Variants in DGKE observed in about 807,000 individuals in gnomAD.
DGKE encodes diacylglycerol kinase epsilon, also known as DAG kinase epsilon.
DGKE carries 53 observed loss-of-function variants against 70.0 expected under a neutral mutation model. The ratio of observed to expected loss-of-function variants is 0.76; its 90% confidence interval spans 0.61 to 0.95. The LOEUF (loss-of-function observed/expected upper bound fraction) is 0.95, where lower values mean the gene tolerates loss of function less well. Among genes scored for constraint, DGKE ranks in the 40% least tolerant of loss-of-function variants. The pLI, the probability that DGKE is intolerant of heterozygous loss-of-function variation, is 0.00. For synonymous variants in DGKE, 291 were observed against 257.0 expected, an observed-to-expected ratio of 1.13 and a Z score of -1.27; for missense variants, 655 against 706.9, an observed-to-expected ratio of 0.93 and a Z score of 0.83.
Position 56,864,668 on chromosome 17 carries a change from T to TA in DGKE, c.*1880dup, listed in dbSNP as rs1281932996. On this transcript the variant is annotated 3_prime_UTR_variant, in exon 12 of 12. Coordinates refer to ENST00000284061, the MANE Select transcript of DGKE (RefSeq NM_003647.3). ...TCCTTTCATTCATGATCAAAATTGT[T>TA]AAAGACATCACATTTTATAAATACA... is the stretch of plus-strand genomic sequence containing the variant. 2.0e-5 allele frequency: 3 copies of TA among 151,956 alleles called. No individual in the cohort carries two copies. Among genetic ancestry groups the TA allele is most frequent in the Admixed American group, 6.6e-5 (1 of 15,266 alleles). 9.4% of individuals were successfully genotyped at this position (151,956 alleles called of 1,614,324 possible). A position where few individuals can be genotyped will look rare whatever the true frequency, so the allele number is the denominator to read the frequency against.
In DGKE at chr17:56,862,722, C is replaced by G; in HGVS notation, c.1635C>G (p.Phe545Leu). ...THKTHAMMLY[F>L]SGEQTDDDIS... The stretch of plus-strand genomic sequence containing the variant: ...AGACACATGCAATGATGTTATATTT[C>G]TCTGGAGAACAAACAGATGATGACA... Residue 545 changes from phenylalanine (F) to leucine (L), a missense_variant, in exon 12 of 12, where the codon TTC (phenylalanine) becomes TTG (leucine). Physicochemically the swap from Phe to Leu is conservative, Grantham distance 22 (BLOSUM62 0). Transcript: ENST00000284061. 1 of 1,610,758 alleles carries G rather than the reference C, an allele frequency of 6.2e-7. No individual in the cohort carries two copies. Among genetic ancestry groups the G allele is most frequent in the South Asian group, 1.1e-5 (1 of 90,406 alleles).
Position 56,863,689 on chromosome 17 carries a change from TGTA to T in DGKE, c.*902_*904del, listed in dbSNP as rs759687377. On this transcript the variant is annotated 3_prime_UTR_variant, in exon 12 of 12. Transcript: ENST00000284061. ...ATAAGTTTTAAAAATTTGGTGGTCT[TGTA>T]GTATTTTGAAATACAGTAGTCTTTT... is the stretch of plus-strand genomic sequence containing the variant. The T allele has an allele frequency of 1.3e-4, 20 of 152,378 alleles. No individual in the cohort carries two copies. The highest frequency in any genetic ancestry group is 4.1e-4 in the African/African-American group (17 of 41,592). 9.4% of individuals were successfully genotyped at this position (152,378 alleles called of 1,614,324 possible). A position where few individuals can be genotyped will look rare whatever the true frequency, so the allele number is the denominator to read the frequency against.
intron 7 of DGKE, among the ~76,000 whole-genome samples, chr17:56,855,450 G>A (rs1168773387): frequency 6.6e-6 from 1 of 152,036 alleles, no homozygotes; most frequent in Non-Finnish European, 1.5e-5. Flanking sequence ...TTTTTTCAGT[G>A]AGGCAAGAAT....
Position 56,863,030 on chromosome 17 carries a change from A to G in DGKE, c.*239A>G, listed in dbSNP as rs8071009. ...ATAGTATTAACTTACAAAAAGTCAC[A>G]AAAACTTACATGAGAGTGAAAATTT... On this transcript the variant is annotated 3_prime_UTR_variant, in exon 12 of 12. Coordinates refer to ENST00000284061, the MANE Select transcript of DGKE (RefSeq NM_003647.3). 244,290 of 337,244 alleles carry G rather than the reference A, an allele frequency of 0.72. 89,454 individuals carry two copies. Among genetic ancestry groups the G allele is most frequent in the East Asian group, 0.87 (17,409 of 19,960 alleles). 20.9% of individuals were successfully genotyped at this position (337,244 alleles called of 1,614,324 possible).
At chr17:56,848,528 G>C (rs1907450572) in intron 5 of DGKE, among the ~76,000 whole-genome samples, 168 bp from the exon 6 acceptor site, 1 of 152,138 alleles carries the variant, frequency 6.6e-6, no homozygotes. Context: ...GCTTCAAATA[G>C]TTAAAAATGA....
At position 56,835,267 on chromosome 17, in the gene DGKE, C is replaced by G. The variant is rs1427610651; in HGVS notation, c.464+8C>G. On this transcript the variant is annotated splice_region_variant and intron_variant, in intron 2 of 11. Transcript: ENST00000284061. ...CAAGCTTTGCGATTACAGGTATGGT[C>G]TTCGTGGACACTCACTGTCCCAGAA... 2 of 1,599,880 alleles carry G rather than the reference C, an allele frequency of 1.3e-6. No homozygotes were observed. The highest frequency in any genetic ancestry group is 1.7e-5 in the Admixed American group (1 of 59,134).
At chr17:56,851,177 C>T (rs1248227430) in intron 7 of DGKE, among the ~76,000 whole-genome samples, 1 of 152,156 alleles carries the variant, frequency 6.6e-6, no homozygotes, top group Non-Finnish European at 1.5e-5. Flanking sequence ...CACCACATCA[C>T]TCAGAGAGCA....
rs1179144225 is a variant in DGKE at position 56,867,905 on chromosome 17, C to T, written c.*5114C>T. On this transcript the variant is annotated 3_prime_UTR_variant, in exon 12 of 12. Coordinates refer to ENST00000284061, the MANE Select transcript of DGKE (RefSeq NM_003647.3). Reference sequence around the variant, plus strand: ...GGGGCCTGGGCCAAAGAGTGAGACTCCATCTCAAAAAAAAAAAAAAAGAAA... The same window carrying T: ...GGGGCCTGGGCCAAAGAGTGAGACTTCATCTCAAAAAAAAAAAAAAAGAAA... 2.0e-5 allele frequency: 3 copies of T among 147,826 alleles called. No homozygotes were observed. Among genetic ancestry groups the T allele is most frequent in the Non-Finnish European group, 4.5e-5 (3 of 66,350 alleles). The allele number at this position is 147,826 out of a possible 1,614,324, so 9.2% of individuals were successfully genotyped here. A position where few individuals can be genotyped will look rare whatever the true frequency, so the allele number is the denominator to read the frequency against.
intron 6 of DGKE, among the ~76,000 whole-genome samples, 164 bp downstream of exon 6, chr17:56,849,017 G>T (rs1255380600): frequency 6.6e-6 from 1 of 152,172 alleles, no homozygotes; most frequent in African/African-American, 2.4e-5. Flanking sequence ...TGTAAGAGCC[G>T]AAGTAATAAG....
At chr17:56,859,285 G>A (rs1376438001) in intron 9 of DGKE, among the ~76,000 whole-genome samples, 3 of 151,154 alleles carry the variant, frequency 2.0e-5, no homozygotes, top group East Asian at 3.9e-4. Context: ...AGATCGCGAC[G>A]CTGCATTCCA....
chr17:56,835,328 A>G, intron 2 of DGKE, 69 bp downstream of exon 2: 2 of 1,464,110 alleles, frequency 1.4e-6, no homozygotes, highest in Non-Finnish European at 1.8e-6. Context: ...AGAGTGGTGT[A>G]GAGGCCTGCT....
intron 2 of DGKE, chr17:56,836,455 T>C (rs1906627538): frequency 6.6e-6 from 1 of 152,238 alleles, no homozygotes; most frequent in Non-Finnish European, 1.5e-5. Flanking sequence ...TTTAAATAAA[T>C]TTCATAATGA....
intron 2 of DGKE, among the ~76,000 whole-genome samples, chr17:56,841,395 A>G (rs749291434): frequency 6.6e-6 from 1 of 152,216 alleles, no homozygotes; most frequent in Non-Finnish European, 1.5e-5. Flanking sequence ...TGCAATAAAT[A>G]TGCCAGAAAA....
At chr17:56,846,192 A>G (rs1372477127) in intron 4 of DGKE, 2 of 155,090 alleles carry the variant, frequency 1.3e-5, no homozygotes, top group African/African-American at 4.8e-5. Context: ...ATGAGTTGAT[A>G]AACAAAATGT....
chr17:56,844,971 G>T (rs761305760), intron 3 of DGKE, among the ~76,000 whole-genome samples: 7 of 152,032 alleles, frequency 4.6e-5, no homozygotes, highest in Non-Finnish European at 7.4e-5. Flanking sequence ...CAATATTCCT[G>T]CAAGGGAAGG....
chr17:56,852,858 C>CA (rs1907737867), intron 7 of DGKE, among the ~76,000 whole-genome samples: 1 of 152,058 alleles, frequency 6.6e-6, no homozygotes, highest in South Asian at 2.1e-4. Flanking sequence ...ATCCCTTATC[C>CA]AAAAAAATGG....
Position 56,865,574 on chromosome 17 carries a change from A to G in DGKE, c.*2783A>G, listed in dbSNP as rs372317994. ...TTAGGTGTGTTTTAGGTTTTCTGCA[A>G]CAATTAGCTGTGAACCCCTAATGTA... On this transcript the variant is annotated 3_prime_UTR_variant, in exon 12 of 12. Coordinates refer to ENST00000284061, the MANE Select transcript of DGKE (RefSeq NM_003647.3). 3.9e-5 allele frequency: 6 copies of G among 152,208 alleles called. No individual in the cohort carries two copies. In the East Asian group the frequency reaches 7.7e-4, roughly 19 times the overall value. The allele number at this position is 152,208 out of a possible 1,614,324, so 9.4% of individuals were successfully genotyped here.
rs1413827857 is a variant in DGKE, at chr17:56,854,071, G to GAGAC, written c.1099-2440_1099-2439insGACA. ...ATGTTAAATAAATAAACCAGTCACA[G>GAGAC]ACAAATATTGTATGATGTCACTTAT... On this transcript the variant is annotated intron_variant, in intron 7 of 11. Coordinates refer to ENST00000284061, the MANE Select transcript of DGKE (RefSeq NM_003647.3). Among the ~76,000 whole-genome samples, 2 of 149,764 alleles carry GAGAC rather than the reference G, an allele frequency of 1.3e-5. 1 individual carries two copies. The highest frequency in any genetic ancestry group is 1.3e-4 in the Admixed American group (2 of 14,956).
chr17:56,834,727 G>C, intron 1 of DGKE, 51 bp from the exon 2 acceptor site: 1 of 1,489,742 alleles, frequency 6.7e-7, no homozygotes, highest in East Asian at 2.3e-5. Context: ...GGAAGGGGGC[G>C]GGGAAGGGAT....
Sources: allele counts gnomAD v4.1 joint callset (sites outside exome capture counted in the v4.1 genomes callset), GRCh38; gene constraint gnomAD v4.1.1; transcripts MANE v1.5; gene names NCBI Gene and HGNC (gene_info 2026-07-23, HGNC 2026-07-21).